The following CD177 variants were observed in gnomAD, a reference collection of about 807,000 sequenced individuals.
CD177 encodes the protein CD177 molecule.
Under a neutral mutation model 38.1 loss-of-function variants are expected in CD177, and 41 were observed. The observed-to-expected ratio is 1.07, with a 90% confidence interval of 0.84 to 1.39. The LOEUF (loss-of-function observed/expected upper bound fraction) is 1.39. CD177 is among the 40% of genes most tolerant of loss of function. The pLI, the probability that CD177 is intolerant of heterozygous loss-of-function variation, is 0.00. For missense variants in CD177, 619 were observed against 523.8 expected (o/e 1.18, Z -1.77); for synonymous variants, 236 against 216.7 (o/e 1.09, Z -0.78).
At position 43,362,123 on chromosome 19, in the gene CD177, G is replaced by A. The variant is rs758340894; in HGVS notation, c.1117G>A (p.Val373Met). ...CACCAAAATGAGCATTCAGGGCTGC[G>A]TGGCCCAACCTTCCAGCTTCTTGTT... ...LSTKMSIQGC[V>M]AQPSSFLLNH... The change falls in exon 9 of 9, where the codon GTG (valine) becomes ATG (methionine). Residue 373 changes from valine to methionine, a missense_variant. Val to Met is a conservative substitution (Grantham distance 21). Coordinates refer to ENST00000618265, the MANE Select transcript of CD177 (RefSeq NM_020406.4). The A allele has an allele frequency of 1.8e-5, 29 of 1,613,674 alleles. No homozygotes were observed. Among genetic ancestry groups the A allele is most frequent in the African/African-American group, 1.1e-4 (8 of 74,878 alleles).
downstream of CD177, among the ~76,000 whole-genome samples, chr19:43,364,447 G>A (rs1187992492): frequency 1.3e-5 from 2 of 152,186 alleles, no homozygotes; most frequent in Non-Finnish European, 2.9e-5. Context: ...AGTTTTCCAT[G>A]GAACAGGGCC....
chr19:43,355,163 G>C (rs538276854), intron 3 of CD177, among the ~76,000 whole-genome samples: 2 of 141,592 alleles, frequency 1.4e-5, no homozygotes, highest in East Asian at 2.1e-4. Flanking sequence ...GACCAGGCTG[G>C]AGTGCAGTGG....
Position 43,360,383 on chromosome 19 carries a change from G to A in CD177, c.738G>A (p.Glu246=). 6.2e-7 allele frequency: 1 copy of A among 1,605,982 alleles called. No individual in the cohort carries two copies. The highest frequency in any genetic ancestry group is 8.5e-7 in the Non-Finnish European group (1 of 1,176,366). ...EMCEVGQVCQ[E]TLLLLDVGLT... ...GCGAGGTGGGGCAGGTGTGTCAGGA[G>A]ACGCTGCTGCTCCTAGATGTAGGTA... Residue 246 remains glutamate (E), a synonymous_variant, in exon 6 of 9, where the codon GAG becomes GAA. Transcript: ENST00000618265.
In CD177 at chr19:43,355,739, AG is replaced by A. The variant is rs748868639; in HGVS notation, c.462del (p.Thr155ProfsTer20). 1.2e-6 allele frequency: 2 copies of A among 1,612,972 alleles called. No homozygotes were observed. The highest frequency in any genetic ancestry group is 2.7e-5 in the African/African-American group (2 of 74,768). ...LEGTTEEICPKGTTHCYDGLL... is the reference protein window; with the variant it reads ...LEGTTEEICPXGTTHCYDGLL... ...GGGACAACAGAAGAGATCTGCCCCA[AG>A]GGGACCACACACTGTTATGATGGCC... On this transcript the variant is annotated frameshift_variant, in exon 4 of 9. Transcript: ENST00000618265. LOFTEE classifies it high-confidence loss of function.
chr19:43,353,923 A>G lies in CD177; in HGVS notation c.123A>G (p.Gln41=). The G allele has an allele frequency of 6.2e-7, 1 of 1,613,838 alleles. No homozygotes were observed. Among genetic ancestry groups the G allele is most frequent in the Non-Finnish European group, 8.5e-7 (1 of 1,179,830 alleles). ...HVWKVSDLPR[Q]WTPKNTSCDS... Reference sequence around the variant, plus strand: ...GGAAGGTGTCCGACCTGCCCCGGCAATGGACCCCTAAGAACACCAGCTGCG... The same window carrying G: ...GGAAGGTGTCCGACCTGCCCCGGCAGTGGACCCCTAAGAACACCAGCTGCG... The change falls in exon 2 of 9, where the codon CAA becomes CAG. Residue 41 remains glutamine (Q), a synonymous_variant. Transcript: ENST00000618265.
At position 43,362,382 on chromosome 19, in the gene CD177, T is replaced by G; in HGVS notation, c.*62T>G. On this transcript the variant is annotated 3_prime_UTR_variant, in exon 9 of 9. Coordinates refer to ENST00000618265, the MANE Select transcript of CD177 (RefSeq NM_020406.4). ...ACCCACACTCAACCTCCCTCTGACC[T>G]CATAACCTAATGGCCTTGGACACCA... 5 of 712,530 alleles carry G rather than the reference T, an allele frequency of 7.0e-6. No homozygotes were observed. Among genetic ancestry groups the G allele is most frequent in the Non-Finnish European group, 1.2e-5 (5 of 428,254 alleles). 44.1% of individuals were successfully genotyped at this position (712,530 alleles called of 1,614,324 possible). A position where few individuals can be genotyped will look rare whatever the true frequency, so the allele number is the denominator to read the frequency against.
downstream of CD177, among the ~76,000 whole-genome samples, chr19:43,363,664 C>T (rs1970004978): frequency 6.6e-6 from 1 of 152,128 alleles, no homozygotes; most frequent in Admixed American, 6.5e-5. Context: ...ATCTGCCATT[C>T]ACACTACAGA....
In CD177 at chr19:43,362,272, G is replaced by T; in HGVS notation, c.1266G>T (p.Leu422=). 1 of 1,599,654 alleles carries T rather than the reference G, an allele frequency of 6.3e-7. No homozygotes were observed. The highest frequency in any genetic ancestry group is 8.6e-7 in the Non-Finnish European group (1 of 1,167,332). Residue 422 remains leucine (L), a synonymous_variant, in exon 9 of 9, where the codon CTG becomes CTT. Transcript: ENST00000618265. ...AGTCTCTCACTTGGGGGGTGGGGCT[G>T]GCACTGGCCCCAGCGCTGTGGTGGG... ...GLESLTWGVG[L]ALAPALWWGV...
intron 2 of CD177, 46 bp downstream of exon 2, chr19:43,354,039 C>G (rs1969882546): frequency 1.3e-6 from 2 of 1,593,736 alleles, no homozygotes; most frequent in African/African-American, 1.3e-5. Context: ...TCCCCTCAGT[C>G]CCTTGATCCC....
chr19:43,354,326 C>A lies in CD177; in HGVS notation c.313C>A (p.Arg105Ser), dbSNP rs570518348. The change falls in exon 3 of 9, where the codon CGC becomes AGC. Residue 105 changes from arginine (R) to serine (S), a missense_variant. Coordinates refer to ENST00000618265, the MANE Select transcript of CD177 (RefSeq NM_020406.4). ...CCTGATCTCCTACACCTTCGTGTGC[C>A]GCCAGGAGGACTTCTGCAACAACCT... ...LSLISYTFVCRQEDFCNNLVN... is the reference protein window; with the variant it reads ...LSLISYTFVCSQEDFCNNLVN... The A allele has an allele frequency of 1.9e-6, 3 of 1,613,826 alleles. No homozygotes were observed. In the African/African-American group the frequency reaches 4.0e-5, roughly 22 times the overall value.
Position 43,362,530 on chromosome 19 carries a change from C to T in CD177, c.*210C>T, listed in dbSNP as rs878973419. 4 of 465,246 alleles carry T rather than the reference C, an allele frequency of 8.6e-6. No homozygotes were observed. Among genetic ancestry groups the T allele is most frequent in the African/African-American group, 7.9e-5 (4 of 50,872 alleles). The allele number at this position is 465,246 out of a possible 1,614,324, so 28.8% of individuals were successfully genotyped here. ...GACTTGCCCTATGGGAGAGGGGACG[C>T]TGGAGGAGTGGCTGCATGTATCTGA... is the stretch of plus-strand genomic sequence containing the variant. On this transcript the variant is annotated 3_prime_UTR_variant, in exon 9 of 9. Transcript: ENST00000618265.
chr19:43,355,547 G>A (rs751025435), intron 3 of CD177, 114 bp from the exon 4 acceptor site: 3 of 1,262,412 alleles, frequency 2.4e-6, no homozygotes, highest in Non-Finnish European at 3.4e-6. Flanking sequence ...AGGCCCCTTT[G>A]GGAAGGCTGA....
chr19:43,364,140 C>T (rs1970010318), downstream of CD177, among the ~76,000 whole-genome samples: 2 of 152,204 alleles, frequency 1.3e-5, no homozygotes, highest in Non-Finnish European at 2.9e-5. Context: ...CAGTCCTTCC[C>T]TCTGTCACAG....
Position 43,362,256 on chromosome 19 carries a change from C to A in CD177, c.1250C>A (p.Thr417Asn). The change falls in exon 9 of 9, where the codon ACT (threonine) becomes AAT (asparagine). Residue 417 changes from threonine to asparagine, a missense_variant. By Grantham distance (65) the Thr-to-Asn change is moderately conservative. Transcript: ENST00000618265. The stretch of plus-strand genomic sequence containing the variant: ...GGGGCTGAGGGCCTGGAGTCTCTCA[C>A]TTGGGGGGTGGGGCTGGCACTGGCC... ...GGGAEGLESL[T>N]WGVGLALAPA... 1 of 1,608,818 alleles carries A rather than the reference C, an allele frequency of 6.2e-7. No individual in the cohort carries two copies. Among genetic ancestry groups the A allele is most frequent in the Non-Finnish European group, 8.5e-7 (1 of 1,175,480 alleles).
chr19:43,361,092 C>CT (rs1969955425), intron 6 of CD177, 51 bp from the exon 7 acceptor site: 1 of 755,436 alleles, frequency 1.3e-6, no homozygotes, highest in African/African-American at 1.8e-5. Context: ...GGAGCCCCTG[C>CT]TGCCCTGGGA....
intron 5 of CD177, 118 bp from the exon 6 acceptor site, chr19:43,360,147 G>T (rs1224970488): frequency 1.6e-6 from 2 of 1,219,778 alleles, no homozygotes; most frequent in Admixed American, 2.4e-5. Flanking sequence ...AAGGGAATCT[G>T]TGGCCAGGTC....
chr19:43,362,416 CCCATTCTGT>C lies in CD177; in HGVS notation c.*101_*109del. Reference sequence around the variant, plus strand: ...AATGGCCTTGGACACCAGATTCTTTCCCATTCTGTCCATGAATCATCTTCCCCACACACA... The same window carrying C: ...AATGGCCTTGGACACCAGATTCTTTCCCATGAATCATCTTCCCCACACACA... On this transcript the variant is annotated 3_prime_UTR_variant, in exon 9 of 9. Transcript: ENST00000618265. The C allele has an allele frequency of 1.7e-6, 1 of 602,732 alleles. No individual in the cohort carries two copies. Among genetic ancestry groups the C allele is most frequent in the South Asian group, 2.0e-5 (1 of 48,834 alleles). 37.3% of individuals were successfully genotyped at this position (602,732 alleles called of 1,614,324 possible).
In CD177 at chr19:43,362,121, G is replaced by A. The variant is rs1289628752; in HGVS notation, c.1115G>A (p.Cys372Tyr). ...GLSTKMSIQGCVAQPSSFLLN... is the reference protein window; with the variant it reads ...GLSTKMSIQGYVAQPSSFLLN... ...TCCACCAAAATGAGCATTCAGGGCT[G>A]CGTGGCCCAACCTTCCAGCTTCTTG... Residue 372 changes from cysteine to tyrosine, a missense_variant, in exon 9 of 9, where the codon TGC (cysteine) becomes TAC (tyrosine). By Grantham distance (194) the Cys-to-Tyr change is radical. Coordinates refer to ENST00000618265, the MANE Select transcript of CD177 (RefSeq NM_020406.4). The A allele has an allele frequency of 6.2e-7, 1 of 1,613,802 alleles. No homozygotes were observed. Among genetic ancestry groups the A allele is most frequent in the Non-Finnish European group, 8.5e-7 (1 of 1,179,760 alleles).
chr19:43,355,419 C>T (rs544205949), intron 3 of CD177: 6 of 488,862 alleles, frequency 1.2e-5, no homozygotes, highest in South Asian at 7.8e-5. Flanking sequence ...GCCAAGACCA[C>T]TTTCTGTACC....
Sources: gnomAD v4.1 joint callset for allele counts (sites outside exome capture counted in the v4.1 genomes callset) on GRCh38, gnomAD v4.1.1 for gene constraint, MANE v1.5 for transcripts, NCBI Gene and HGNC (gene_info 2026-07-23, HGNC 2026-07-21) for gene names.